Variants in PTPRCAP observed in about 807,000 individuals in gnomAD.
PTPRCAP encodes protein tyrosine phosphatase receptor type C-associated protein.
For missense variants in PTPRCAP, 294 were observed against 285.5 expected, an observed-to-expected ratio of 1.03 and a Z score of -0.22; for synonymous variants, 136 against 135.8, an observed-to-expected ratio of 1.00 and a Z score of -0.01.
chr11:67,435,558 T>G lies in PTPRCAP; in HGVS notation c.*175A>C, dbSNP rs1251024032. On this transcript the variant is annotated 3_prime_UTR_variant, in exon 2 of 2. Coordinates refer to ENST00000326294, the MANE Select transcript of PTPRCAP (RefSeq NM_005608.3). ...CAAATGGTTGCCTGATGCCTGTGGT[T>G]GGGGGGGGCCGTTCCCGTGGTGAGC... The G allele has an allele frequency of 6.4e-6, 6 of 932,500 alleles. No individual in the cohort carries two copies. The highest frequency in any genetic ancestry group is 1.7e-5 in the African/African-American group (1 of 59,300). The allele number at this position is 932,500 out of a possible 1,614,324, so 57.8% of individuals were successfully genotyped here.
chr11:67,436,368 G>T lies in PTPRCAP; in HGVS notation c.4-18C>A. ...GGCAGAGCCTGTGGGAGACAGGCAGGGGCTCAGAGGGCTCAGCACCTGGGG... is the reference window on the plus strand; with the variant it reads ...GGCAGAGCCTGTGGGAGACAGGCAGTGGCTCAGAGGGCTCAGCACCTGGGG... On this transcript the variant is annotated intron_variant, in intron 1 of 1. Coordinates refer to ENST00000326294, the MANE Select transcript of PTPRCAP (RefSeq NM_005608.3). 2.1e-6 allele frequency: 3 copies of T among 1,437,470 alleles called. No individual in the cohort carries two copies. The highest frequency in any genetic ancestry group is 2.7e-6 in the Non-Finnish European group (3 of 1,097,956). The allele number at this position is 1,437,470 out of a possible 1,614,324, so 89.0% of individuals were successfully genotyped here.
intron 1 of PTPRCAP, chr11:67,436,681 G>A (rs1179348714): frequency 1.0e-5 from 3 of 286,790 alleles, no homozygotes; most frequent in South Asian, 9.3e-5. Context: ...CCTGCTCACC[G>A]TGCTCAAACT....
Position 67,437,607 on chromosome 11 carries a change from C to A in PTPRCAP, c.3+10G>T. On this transcript the variant is annotated intron_variant, in intron 1 of 1. Transcript: ENST00000326294. ...CCCATCCCAAGAACCCGGGGGGCTC[C>A]GAGGCTTACCATTGGTCCGCAGGCC... 7.4e-7 allele frequency: 1 copy of A among 1,358,774 alleles called. No homozygotes were observed. The highest frequency in any genetic ancestry group is 9.6e-7 in the Non-Finnish European group (1 of 1,046,940). The allele number at this position is 1,358,774 out of a possible 1,614,324, so 84.2% of individuals were successfully genotyped here.
chr11:67,436,640 C>T, intron 1 of PTPRCAP: 3 of 348,882 alleles, frequency 8.6e-6, no homozygotes, highest in African/African-American at 2.1e-5. Context: ...GCTCCACCTC[C>T]TCCCATCCTC....
intron 1 of PTPRCAP, 195 bp downstream of exon 1, chr11:67,437,422 G>A: frequency 1.9e-6 from 1 of 522,388 alleles, no homozygotes. Flanking sequence ...GGTATGGGGT[G>A]CTGGGGGCCA....
chr11:67,436,263 A>G lies in PTPRCAP; in HGVS notation c.91T>C (p.Ser31Pro). The G allele has an allele frequency of 6.5e-7, 1 of 1,544,538 alleles. No individual in the cohort carries two copies. Among genetic ancestry groups the G allele is most frequent in the South Asian group, 1.2e-5 (1 of 84,262 alleles). ...SGGSAEDSVGSSSVTVVLLLL... is the reference protein window; with the variant it reads ...SGGSAEDSVGPSSVTVVLLLL... ...AGCAGGACAACGGTGACAGAGCTGG[A>G]GCCCACGCTGTCCTCCGCGCTGCCA... is the stretch of plus-strand genomic sequence containing the variant. Residue 31 changes from serine (S) to proline (P), a missense_variant, in exon 2 of 2, where the codon TCC (serine) becomes CCC (proline). Transcript: ENST00000326294.
Position 67,435,755 on chromosome 11 carries a change from C to T in PTPRCAP, c.599G>A (p.Gly200Asp). The stretch of plus-strand genomic sequence containing the variant: ...CCTCTACAGTGCGGTGACATGGAGG[C>T]CCTGGCCCCCAGCTGCCCTGGCGCT... The part of the protein sequence containing the change: ...DDSARAAGGQ[G>D]LHVTAL Residue 200 changes from glycine to aspartate, a missense_variant, in exon 2 of 2, where the codon GGC becomes GAC. By Grantham distance (94) the Gly-to-Asp change is moderately conservative. Transcript: ENST00000326294. 1.3e-6 allele frequency: 2 copies of T among 1,550,802 alleles called. No individual in the cohort carries two copies. The highest frequency in any genetic ancestry group is 1.7e-6 in the Non-Finnish European group (2 of 1,149,502).
Position 67,435,813 on chromosome 11 carries a change from G to C in PTPRCAP, c.541C>G (p.His181Asp), listed in dbSNP as rs1319917644. ...GSAEALLSDL[H>D]AFAGSAAWDD... is the part of the protein sequence containing the mutation. ...CAGGCTGCGCTGCCAGCAAAGGCGT[G>C]CAGGTCACTCAGCAGGGCCTCAGCA... The change falls in exon 2 of 2, where the codon CAC becomes GAC. Residue 181 changes from histidine (H) to aspartate (D), a missense_variant. His to Asp is a moderately conservative substitution (Grantham distance 81). Transcript: ENST00000326294. 6.9e-6 allele frequency: 11 copies of C among 1,603,092 alleles called. No individual in the cohort carries two copies. Among genetic ancestry groups the C allele is most frequent in the Non-Finnish European group, 9.4e-6 (11 of 1,176,112 alleles).
At chr11:67,436,613 T>G (rs1226911639) in intron 1 of PTPRCAP, 9 of 383,052 alleles carry the variant, frequency 2.3e-5, no homozygotes, top group Non-Finnish European at 3.7e-5. Flanking sequence ...GCACTGGCTG[T>G]TCCCTCTGCC....
chr11:67,436,270 G>C lies in PTPRCAP; in HGVS notation c.84C>G (p.Ser28Arg). The change falls in exon 2 of 2, where the codon AGC becomes AGG. Residue 28 changes from serine (S) to arginine (R), a missense_variant. Physicochemically the swap from Ser to Arg is moderately radical, Grantham distance 110. Transcript: ENST00000326294. ...CAACGGTGACAGAGCTGGAGCCCACGCTGTCCTCCGCGCTGCCACCCGAGC... is the reference window on the plus strand; with the variant it reads ...CAACGGTGACAGAGCTGGAGCCCACCCTGTCCTCCGCGCTGCCACCCGAGC... ...ALGSGGSAED[S>R]VGSSSVTVVL... The C allele has an allele frequency of 6.5e-7, 1 of 1,541,896 alleles. No individual in the cohort carries two copies. Among genetic ancestry groups the C allele is most frequent in the Non-Finnish European group, 8.7e-7 (1 of 1,148,094 alleles).
At position 67,436,485 on chromosome 11, in the gene PTPRCAP, A is replaced by G. The variant is rs559453823; in HGVS notation, c.4-135T>C. On this transcript the variant is annotated intron_variant, in intron 1 of 1. Coordinates refer to ENST00000326294, the MANE Select transcript of PTPRCAP (RefSeq NM_005608.3). Reference sequence around the variant, plus strand: ...TTGGGACAGCCAAGCAGAAAAGGCCAAGGCCTTATTTGGTCAACCAGGCTC... The same window carrying G: ...TTGGGACAGCCAAGCAGAAAAGGCCGAGGCCTTATTTGGTCAACCAGGCTC... 24 of 1,067,098 alleles carry G rather than the reference A, an allele frequency of 2.2e-5. No individual in the cohort carries two copies. The East Asian group carries it at 6.5e-4, about 29-fold the overall frequency. 66.1% of individuals were successfully genotyped at this position (1,067,098 alleles called of 1,614,324 possible).
chr11:67,437,429 G>T (rs1024607669), intron 1 of PTPRCAP, 188 bp downstream of exon 1: 7 of 572,378 alleles, frequency 1.2e-5, no homozygotes, highest in African/African-American at 9.7e-5. Flanking sequence ...GGTGCTGGGG[G>T]CCAGGCCTGG....
At chr11:67,436,391 G>C in intron 1 of PTPRCAP, 41 bp from the exon 2 acceptor site, 1 of 1,428,398 alleles carries the variant, frequency 7.0e-7, no homozygotes. Context: ...TCAGCACCTG[G>C]GGTGGGGCCT....
At chr11:67,436,755 C>T (rs1185434250) in intron 1 of PTPRCAP, 1 of 186,198 alleles carries the variant, frequency 5.4e-6, no homozygotes, top group East Asian at 1.3e-4. Context: ...GCAGCCCACC[C>T]CAGCACCCCC....
In PTPRCAP at chr11:67,435,859, T is replaced by A. The variant is rs1864259412; in HGVS notation, c.495A>T (p.Gly165=). ...CAGCACTGCCCCCTGCGCTCGCTGG[T>A]CCTGGGGAGCCGAGGACCAGGTCGC... ...TEGDLVLGSP[G]PASAGGSAEA... Residue 165 remains glycine, a synonymous_variant, in exon 2 of 2, where the codon GGA becomes GGT. Coordinates refer to ENST00000326294, the MANE Select transcript of PTPRCAP (RefSeq NM_005608.3). 1.9e-6 allele frequency: 3 copies of A among 1,610,532 alleles called. No individual in the cohort carries two copies. In the South Asian group the frequency reaches 3.3e-5, roughly 18 times the overall value.
chr11:67,437,625 C>A lies in PTPRCAP; in HGVS notation c.-6G>T. The stretch of plus-strand genomic sequence containing the variant: ...GGGGCTCCGAGGCTTACCATTGGTC[C>A]GCAGGCCCCTCCGTGCCGGGCACCC... On this transcript the variant is annotated 5_prime_UTR_variant, in exon 1 of 2. Coordinates refer to ENST00000326294, the MANE Select transcript of PTPRCAP (RefSeq NM_005608.3). 7.3e-7 allele frequency: 1 copy of A among 1,365,544 alleles called. No individual in the cohort carries two copies. The highest frequency in any genetic ancestry group is 9.5e-7 in the Non-Finnish European group (1 of 1,051,366). The allele number at this position is 1,365,544 out of a possible 1,614,324, so 84.6% of individuals were successfully genotyped here. A position where few individuals can be genotyped will look rare whatever the true frequency, so the allele number is the denominator to read the frequency against.
At chr11:67,436,704 G>A (rs1282408601) in intron 1 of PTPRCAP, 2 of 256,674 alleles carry the variant, frequency 7.8e-6, no homozygotes, top group Non-Finnish European at 1.5e-5. Flanking sequence ...ACCCCAGTGA[G>A]GCTGAACCTG....
chr11:67,437,267 G>C, intron 1 of PTPRCAP: 1 of 253,704 alleles, frequency 3.9e-6, no homozygotes, highest in Non-Finnish European at 7.5e-6. Context: ...CAGGCTAGGT[G>C]GGGGGTGTCG....
At chr11:67,436,763 C>T (rs760802197) in intron 1 of PTPRCAP, 5 of 184,454 alleles carry the variant, frequency 2.7e-5, no homozygotes, top group East Asian at 2.8e-4. Flanking sequence ...CCCCAGCACC[C>T]CCCAGCACTC....
Sources: allele counts gnomAD v4.1 joint callset, GRCh38; gene constraint gnomAD v4.1.1; transcripts MANE v1.5; gene names NCBI Gene and HGNC (gene_info 2026-07-23, HGNC 2026-07-21).